TMEM132C: variants seen among roughly 807,000 people sequenced by gnomAD.
The protein encoded by TMEM132C is transmembrane protein 132C, also known as protein phosphatase 1, regulatory subunit 152.
A neutral mutation model predicts 61.4 loss-of-function variants in TMEM132C; 29 were observed. The observed-to-expected ratio is 0.47, with a 90% confidence interval of 0.35 to 0.64. The LOEUF (loss-of-function observed/expected upper bound fraction) is 0.64, where lower values mean the gene tolerates loss of function less well. Among genes scored for constraint, TMEM132C ranks in the 30% least tolerant of loss-of-function variants. TMEM132C has a pLI of 0.00. For missense variants in TMEM132C, 1,408 were observed against 1,476.9 expected (o/e 0.95, Z 0.76); for synonymous variants, 656 against 633.1 (o/e 1.04, Z -0.54).
intron 3 of TMEM132C, among the ~76,000 whole-genome samples, chr12:128,612,994 C>T (rs1006353795): frequency 5.9e-5 from 9 of 152,096 alleles, no homozygotes; most frequent in Non-Finnish European, 4.4e-5. Flanking sequence ...CTCTGAGTCT[C>T]GGAGAGATGA....
At chr12:128,506,361 G>T (rs1237137690) in intron 2 of TMEM132C, among the ~76,000 whole-genome samples, 1 of 152,222 alleles carries the variant, frequency 6.6e-6, no homozygotes, top group Non-Finnish European at 1.5e-5. Flanking sequence ...AGAGGCAGGT[G>T]CTCAAGTCAA....
chr12:128,291,559 G>T (rs1871247922), intron 1 of TMEM132C, among the ~76,000 whole-genome samples: 1 of 152,188 alleles, frequency 6.6e-6, no homozygotes, highest in South Asian at 2.1e-4. Flanking sequence ...GAGGGATTGG[G>T]GTCCCTGGTT....
intron 1 of TMEM132C, among the ~76,000 whole-genome samples, chr12:128,385,877 T>C (rs1284134523): frequency 6.6e-6 from 1 of 152,150 alleles, no homozygotes; most frequent in African/African-American, 2.4e-5. Context: ...TGCTGTCTGC[T>C]CCATGAGTTG....
intron 2 of TMEM132C, among the ~76,000 whole-genome samples, chr12:128,449,330 G>A (rs189198208): frequency 4.2e-4 from 64 of 152,154 alleles, no homozygotes; most frequent in African/African-American, 1.5e-3. Context: ...TCCCAGACAA[G>A]CCTGCTCATT....
intron 3 of TMEM132C, among the ~76,000 whole-genome samples, chr12:128,612,273 C>T (rs544079727): frequency 2.3e-4 from 35 of 152,320 alleles, no homozygotes; most frequent in African/African-American, 6.7e-4. Flanking sequence ...CCCTGAAAGA[C>T]GGATGTCGGT....
chr12:128,671,690 CG>C (rs1201741644), intron 5 of TMEM132C, among the ~76,000 whole-genome samples: 6 of 152,188 alleles, frequency 3.9e-5, no homozygotes, highest in African/African-American at 1.4e-4. Context: ...CTGGGCTCAG[CG>C]CCACCATCAC....
chr12:128,584,937 G>A (rs981446554), intron 3 of TMEM132C, among the ~76,000 whole-genome samples: 2 of 152,178 alleles, frequency 1.3e-5, no homozygotes, highest in African/African-American at 4.8e-5. Flanking sequence ...TCAAGACTTA[G>A]GTCCCCATCT....
In TMEM132C at chr12:128,540,537, C is replaced by A. The variant is rs138622867; in HGVS notation, c.975-3420C>A. The stretch of plus-strand genomic sequence containing the variant: ...AAAGTGCTGGGATTACAGGCATGAG[C>A]CACCACGCCCAGCCAATTCTCTGTT... On this transcript the variant is annotated intron_variant, in intron 2 of 8. Coordinates refer to ENST00000435159, the MANE Select transcript of TMEM132C (RefSeq NM_001136103.3). Among the ~76,000 whole-genome samples the A allele has an allele frequency of 6.5e-3, 991 of 152,304 alleles. 8 individuals carry two copies. Among genetic ancestry groups the A allele is most frequent in the African/African-American group, 0.023 (949 of 41,570 alleles).
intron 2 of TMEM132C, among the ~76,000 whole-genome samples, chr12:128,443,217 TA>T (rs1200487362): frequency 6.6e-6 from 1 of 151,850 alleles, no homozygotes; most frequent in Admixed American, 6.6e-5. Flanking sequence ...GGAGCTAAAC[TA>T]GAGGATGCAA....
rs2135654892 is a variant in TMEM132C at position 128,695,900 on chromosome 12, C to A, written c.1726C>A (p.His576Asn). Residue 576 changes from histidine to asparagine, a missense_variant, in exon 7 of 9, where the codon CAC (histidine) becomes AAC (asparagine). Physicochemically the swap from His to Asn is moderately conservative, Grantham distance 68. Coordinates refer to ENST00000435159, the MANE Select transcript of TMEM132C (RefSeq NM_001136103.3). Reference protein sequence around the residue: ...RGRGCALQYQHATVRVLTQFV... With the variant: ...RGRGCALQYQNATVRVLTQFV... ...CCGGGGCTGCGCACTGCAATACCAG[C>A]ACGCCACCGTGCGGGTCCTCACCCA... The A allele has an allele frequency of 6.4e-7, 1 of 1,551,562 alleles. No individual in the cohort carries two copies. Among genetic ancestry groups the A allele is most frequent in the South Asian group, 1.2e-5 (1 of 84,056 alleles).
At chr12:128,285,661 C>T (rs1566042195) in intron 1 of TMEM132C, among the ~76,000 whole-genome samples, 1 of 151,378 alleles carries the variant, frequency 6.6e-6, no homozygotes, top group African/African-American at 2.4e-5. Context: ...CTCTCTCCCT[C>T]TCCCTCCCCT....
chr12:128,314,260 GAT>G (rs1214583551), intron 1 of TMEM132C, among the ~76,000 whole-genome samples: 1 of 152,200 alleles, frequency 6.6e-6, no homozygotes, highest in Admixed American at 6.5e-5. Context: ...CTTTATTGCA[GAT>G]CGGGGTAATT....
At chr12:128,608,177 G>A (rs1876492668) in intron 3 of TMEM132C, among the ~76,000 whole-genome samples, 1 of 152,192 alleles carries the variant, frequency 6.6e-6, no homozygotes, top group Admixed American at 6.5e-5. Context: ...AATGCTAAGA[G>A]CTTCCACTTG....
chr12:128,649,795 C>T (rs1459504400), intron 4 of TMEM132C, among the ~76,000 whole-genome samples: 1 of 152,222 alleles, frequency 6.6e-6, no homozygotes, highest in Non-Finnish European at 1.5e-5. Context: ...TAGCATGAGG[C>T]ATTCCAAAGA....
At chr12:128,364,406 C>T (rs1873800541) in intron 1 of TMEM132C, among the ~76,000 whole-genome samples, 1 of 152,006 alleles carries the variant, frequency 6.6e-6, no homozygotes, top group Middle Eastern at 3.4e-3. Context: ...CTGTCTCTTG[C>T]TCTTCCGTCC....
intron 1 of TMEM132C, among the ~76,000 whole-genome samples, chr12:128,274,916 T>C (rs1159610579): frequency 6.6e-6 from 1 of 152,168 alleles, no homozygotes; most frequent in Non-Finnish European, 1.5e-5. Flanking sequence ...ACACAGATTG[T>C]GTAGGCCCAT....
chr12:128,583,530 G>C (rs1279337300), intron 3 of TMEM132C, among the ~76,000 whole-genome samples: 2 of 152,190 alleles, frequency 1.3e-5, no homozygotes, highest in Admixed American at 1.3e-4. Context: ...GGTGTTGATT[G>C]GACCTCACTG....
intron 3 of TMEM132C, among the ~76,000 whole-genome samples, chr12:128,553,176 A>G (rs866331854): frequency 6.6e-6 from 1 of 152,234 alleles, no homozygotes; most frequent in Non-Finnish European, 1.5e-5. Flanking sequence ...AAACAATCTC[A>G]TAATGTTGTA....
chr12:128,540,527 C>T (rs1873699519), intron 2 of TMEM132C, among the ~76,000 whole-genome samples: 1 of 152,236 alleles, frequency 6.6e-6, no homozygotes, highest in South Asian at 2.1e-4. Flanking sequence ...GCTGGGATTA[C>T]AGGCATGAGC....
Sources: gnomAD v4.1 joint callset for allele counts (sites outside exome capture counted in the v4.1 genomes callset) on GRCh38, gnomAD v4.1.1 for gene constraint, MANE v1.5 for transcripts, NCBI Gene and HGNC (gene_info 2026-07-23, HGNC 2026-07-21) for gene names.